Variants in SLC30A8 observed in about 807,000 individuals in gnomAD.
SLC30A8 encodes the protein solute carrier family 30 member 8, also known as proton-coupled zinc antiporter SLC30A8.
Under a neutral mutation model 36.9 loss-of-function variants are expected in SLC30A8, and 27 were observed. That is an observed-to-expected ratio of 0.73 (90% CI 0.54 to 1.01). SLC30A8 has a LOEUF of 1.01. Among genes scored for constraint, SLC30A8 ranks in the 50% least tolerant of loss-of-function variants. The pLI is 0.00. For synonymous variants in SLC30A8, 164 were observed against 172.4 expected (o/e 0.95, Z 0.38); for missense variants, 439 against 452.0 (o/e 0.97, Z 0.26).
intron 1 of SLC30A8, among the ~76,000 whole-genome samples, chr8:117,036,063 AT>A (rs1817203690): frequency 2.0e-5 from 3 of 151,934 alleles, no homozygotes; most frequent in Middle Eastern, 3.2e-3. Flanking sequence ...GGCTATTAAC[AT>A]TTGGCTCCTC....
intron 2 of SLC30A8, among the ~76,000 whole-genome samples, chr8:117,097,153 A>C (rs991892505): frequency 6.6e-6 from 1 of 151,644 alleles, no homozygotes; most frequent in Non-Finnish European, 1.5e-5. Flanking sequence ...TAGATCCAGC[A>C]CTTTGGGAGG....
intron 2 of SLC30A8, among the ~76,000 whole-genome samples, chr8:117,106,747 T>C (rs543460450): frequency 6.6e-6 from 1 of 152,286 alleles, no homozygotes. Flanking sequence ...CAAATGCCTC[T>C]AAAAATAGAA....
intron 1 of SLC30A8, among the ~76,000 whole-genome samples, chr8:116,990,576 AGAGT>A (rs1443782968): frequency 1.3e-5 from 2 of 152,212 alleles, no homozygotes; most frequent in Non-Finnish European, 2.9e-5. Context: ...AAATAAGGAA[AGAGT>A]GAGAAATATC....
intron 1 of SLC30A8, among the ~76,000 whole-genome samples, chr8:117,010,955 C>G (rs1419231184): frequency 6.6e-6 from 1 of 152,170 alleles, no homozygotes; most frequent in African/African-American, 2.4e-5. Context: ...TCCACCAGGC[C>G]CCACCTCCAG....
At position 117,138,060 on chromosome 8, in the gene SLC30A8, C is replaced by CAA. The variant is rs60065374; in HGVS notation, c.71+2681_71+2682dup. 8.7e-3 allele frequency among the ~76,000 whole-genome samples: 436 copies of CAA among 49,912 alleles called. 3 individuals are homozygous for CAA. The highest frequency in any genetic ancestry group is 0.013 in the Non-Finnish European group (302 of 23,632). The allele number at this position is 49,912 out of a possible 152,430, so 32.7% of individuals were successfully genotyped here. A position where few individuals can be genotyped will look rare whatever the true frequency, so the allele number is the denominator to read the frequency against. On this transcript the variant is annotated intron_variant, in intron 1 of 7. Transcript: ENST00000456015. The stretch of plus-strand genomic sequence containing the variant: ...TCTCTGGGCTTTGGGTTCATTGTAG[C>CAA]AAAAAAAAAAAAAAAAAAAAGAAAA...
chr8:117,172,798 T>A lies in SLC30A8; in HGVS notation c.*117T>A. The A allele has an allele frequency of 8.2e-7, 1 of 1,225,546 alleles. No individual in the cohort carries two copies. The highest frequency in any genetic ancestry group is 1.2e-6 in the Non-Finnish European group (1 of 863,470). 75.9% of individuals were successfully genotyped at this position (1,225,546 alleles called of 1,614,324 possible). ...GGAAGAAATTCATGTCATGGTGCAA[T>A]GCACATTTTATCTATTTATTTAGTT... On this transcript the variant is annotated 3_prime_UTR_variant, in exon 8 of 8. Coordinates refer to ENST00000456015, the MANE Select transcript of SLC30A8 (RefSeq NM_173851.3).
In SLC30A8 at chr8:116,962,440, G is replaced by A. The variant is rs144777944; in HGVS notation, c.-266+11321G>A. Among the ~76,000 whole-genome samples, 208 of 151,920 alleles carry A rather than the reference G, an allele frequency of 1.4e-3. 1 individual carries two copies. Among genetic ancestry groups the A allele is most frequent in the Non-Finnish European group, 2.2e-3 (151 of 67,928 alleles). On this transcript the variant is annotated intron_variant, in intron 1 of 10. Coordinates refer to the SLC30A8 transcript ENST00000427715. ...CTTCATTTTAACCTTCTCCTTTTAC[G>A]TTAGTGTCAACACATTATCCCATCA...
At chr8:116,952,682 C>T (rs555009226) in intron 1 of SLC30A8, among the ~76,000 whole-genome samples, 6 of 152,174 alleles carry the variant, frequency 3.9e-5, no homozygotes, top group South Asian at 2.1e-4. Flanking sequence ...GTTTTGAACT[C>T]CTAACATCAA....
intron 1 of SLC30A8, among the ~76,000 whole-genome samples, chr8:116,968,708 A>G (rs565009632): frequency 1.1e-4 from 17 of 151,868 alleles, no homozygotes; most frequent in African/African-American, 3.4e-4. Flanking sequence ...GTTGGGAACT[A>G]CCTTCTGCCA....
chr8:117,051,779 C>G (rs1225707330), intron 2 of SLC30A8, among the ~76,000 whole-genome samples: 2 of 151,900 alleles, frequency 1.3e-5, no homozygotes, highest in African/African-American at 4.8e-5. Context: ...TGCCACTGCA[C>G]TCCAGCCTGG....
intron 2 of SLC30A8, among the ~76,000 whole-genome samples, chr8:117,122,951 T>C (rs1820747378): frequency 6.6e-6 from 1 of 152,040 alleles, no homozygotes; most frequent in African/African-American, 2.4e-5. Context: ...GGCGTTCCTT[T>C]ATATTATTAG....
intron 2 of SLC30A8, among the ~76,000 whole-genome samples, chr8:117,065,611 C>T (rs547997751): frequency 1.4e-4 from 21 of 151,970 alleles, no homozygotes; most frequent in African/African-American, 4.3e-4. Flanking sequence ...GAACTATCTC[C>T]GCTCATGGTG....
intron 1 of SLC30A8, among the ~76,000 whole-genome samples, chr8:117,137,646 G>A (rs974532134): frequency 2.0e-5 from 3 of 151,880 alleles, no homozygotes; most frequent in Non-Finnish European, 4.4e-5. Flanking sequence ...TGCCTGGGGC[G>A]GGGGTCTTAA....
At chr8:117,023,355 G>A (rs1816767947) in intron 1 of SLC30A8, among the ~76,000 whole-genome samples, 2 of 152,110 alleles carry the variant, frequency 1.3e-5, no homozygotes, top group South Asian at 4.1e-4. Flanking sequence ...ATTTGACCCA[G>A]CCATCCCATT....
At chr8:116,963,781 G>A (rs1183687904) in intron 1 of SLC30A8, among the ~76,000 whole-genome samples, 1 of 152,154 alleles carries the variant, frequency 6.6e-6, no homozygotes, top group East Asian at 1.9e-4. Flanking sequence ...ATCCAGGAGT[G>A]GAATTACTAG....
At chr8:117,132,814 C>T (rs1054247461), upstream of SLC30A8, among the ~76,000 whole-genome samples, 2 of 151,954 alleles carry the variant, frequency 1.3e-5, no homozygotes, top group Non-Finnish European at 2.9e-5. Context: ...TCAGCAGATG[C>T]ATATTTTACA....
At chr8:117,081,241 G>A (rs1818668055) in intron 2 of SLC30A8, among the ~76,000 whole-genome samples, 2 of 152,242 alleles carry the variant, frequency 1.3e-5, no homozygotes, top group Non-Finnish European at 2.9e-5. Flanking sequence ...TACCAAGGCT[G>A]CCATAACAAA....
chr8:117,091,481 G>T (rs1360565828), intron 2 of SLC30A8, among the ~76,000 whole-genome samples: 1 of 152,022 alleles, frequency 6.6e-6, no homozygotes, highest in East Asian at 1.9e-4. Context: ...TTCAGTTTCT[G>T]CCCTGCCTCC....
At chr8:117,002,344 T>A (rs980937670) in intron 1 of SLC30A8, among the ~76,000 whole-genome samples, 7 of 152,280 alleles carry the variant, frequency 4.6e-5, no homozygotes, top group Admixed American at 2.6e-4. Context: ...AATGGAATTC[T>A]TTCTGTTACA....
Sources: gnomAD v4.1 joint callset for allele counts (sites outside exome capture counted in the v4.1 genomes callset) on GRCh38, gnomAD v4.1.1 for gene constraint, MANE v1.5 for transcripts, NCBI Gene and HGNC (gene_info 2026-07-23, HGNC 2026-07-21) for gene names.